The following PEPD variants were observed in gnomAD, a reference collection of about 807,000 sequenced individuals.
The protein encoded by PEPD is xaa-Pro dipeptidase.
In PEPD, 53 loss-of-function variants were observed where a neutral mutation model predicts 60.7. The observed-to-expected ratio is 0.87, with a 90% CI of 0.70 to 1.10. The LOEUF is 1.10. Among genes scored for constraint, PEPD ranks in the 50% least tolerant of loss-of-function variants. The pLI is 0.00. For synonymous variants in PEPD, 267 were observed against 284.1 expected (o/e 0.94, Z 0.60); for missense variants, 711 against 711.9 (o/e 1.00, Z 0.01).
intron 9 of PEPD, among the ~76,000 whole-genome samples, chr19:33,425,482 C>G (rs933550620): frequency 6.6e-6 from 1 of 151,916 alleles, no homozygotes; most frequent in Non-Finnish European, 1.5e-5. Context: ...CGAGCAGGGG[C>G]AAGGGGAGGG....
intron 6 of PEPD, among the ~76,000 whole-genome samples, chr19:33,479,943 T>C (rs775687443): frequency 6.6e-6 from 1 of 152,200 alleles, no homozygotes; most frequent in East Asian, 1.9e-4. Context: ...AGTAACGGGA[T>C]TGCTGGGTTG....
intron 11 of PEPD, among the ~76,000 whole-genome samples, chr19:33,407,181 G>C (rs890677827): frequency 6.6e-6 from 1 of 152,228 alleles, no homozygotes; most frequent in Non-Finnish European, 1.5e-5. Flanking sequence ...GGAAGTGAGG[G>C]AGGCAGGAGG....
At chr19:33,500,123 G>A (rs891892395) in intron 4 of PEPD, among the ~76,000 whole-genome samples, 12 of 152,258 alleles carry the variant, frequency 7.9e-5, no homozygotes, top group Non-Finnish European at 1.6e-4. Context: ...ATGCTGCCAG[G>A]TCCAGGTTGG....
At chr19:33,478,991 C>T (rs571584845) in intron 6 of PEPD, among the ~76,000 whole-genome samples, 6 of 152,056 alleles carry the variant, frequency 3.9e-5, no homozygotes, top group South Asian at 4.2e-4. Flanking sequence ...CTGAATAAAG[C>T]GATAATTGTA....
intron 3 of PEPD, among the ~76,000 whole-genome samples, chr19:33,507,471 C>G (rs1176287311): frequency 6.6e-6 from 1 of 152,212 alleles, no homozygotes; most frequent in Non-Finnish European, 1.5e-5. Context: ...CCCACGGCCC[C>G]TGGCGTCTGC....
chr19:33,480,827 T>C (rs532826026), intron 6 of PEPD, among the ~76,000 whole-genome samples: 1 of 123,620 alleles, frequency 8.1e-6, no homozygotes, highest in African/African-American at 3.3e-5. Flanking sequence ...TGTGTGTGTG[T>C]GTGTGTGTGT....
intron 9 of PEPD, among the ~76,000 whole-genome samples, chr19:33,436,254 G>T (rs1392000376): frequency 6.6e-6 from 1 of 151,960 alleles, no homozygotes; most frequent in Non-Finnish European, 1.5e-5. Flanking sequence ...GGAGAGGCGA[G>T]CAGGAAGAAG....
chr19:33,467,599 A>T (rs1261382543), intron 7 of PEPD, among the ~76,000 whole-genome samples: 2 of 152,186 alleles, frequency 1.3e-5, no homozygotes, highest in Non-Finnish European at 2.9e-5. Flanking sequence ...CAAATGTAGG[A>T]CAAGAAGGCA....
At chr19:33,462,897 G>A (rs113349744) in intron 9 of PEPD, 98 bp downstream of exon 9, 1 of 802,922 alleles carries the variant, frequency 1.2e-6, no homozygotes, top group Non-Finnish European at 2.3e-6. Flanking sequence ...CGCTCACGGT[G>A]TGTGTGCCAC....
rs562294961 is a variant in PEPD at position 33,455,509 on chromosome 19, T to C, written c.671+7486A>G. On this transcript the variant is annotated intron_variant, in intron 9 of 14. Transcript: ENST00000244137. Reference sequence around the variant, plus strand: ...TCAGGTTTTTGGCTTTTTTTTCTCTTTTTTTTTTTAAGAGATGGAGTCTCA... The same window carrying C: ...TCAGGTTTTTGGCTTTTTTTTCTCTCTTTTTTTTTAAGAGATGGAGTCTCA... Among the ~76,000 whole-genome samples, 17 of 148,280 alleles carry C rather than the reference T, an allele frequency of 1.1e-4. 1 individual carries two copies. Among genetic ancestry groups the C allele is most frequent in the African/African-American group, 2.5e-4 (10 of 40,518 alleles).
chr19:33,473,773 C>A (rs965301518), intron 7 of PEPD, among the ~76,000 whole-genome samples: 2 of 152,234 alleles, frequency 1.3e-5, no homozygotes, highest in African/African-American at 2.4e-5. Context: ...GAAGTTTCAA[C>A]TTTTGACCTT....
intron 9 of PEPD, among the ~76,000 whole-genome samples, chr19:33,414,115 G>A (rs751214742): frequency 1.3e-5 from 2 of 152,244 alleles, no homozygotes; most frequent in African/African-American, 4.8e-5. Flanking sequence ...CACCCGGGGA[G>A]AGGGCACAGG....
intron 11 of PEPD, among the ~76,000 whole-genome samples, chr19:33,403,164 A>C (rs1010972190): frequency 6.6e-6 from 1 of 152,186 alleles, no homozygotes; most frequent in African/African-American, 2.4e-5. Flanking sequence ...GCCCCTTTCC[A>C]TCCATCCCAC....
At chr19:33,481,639 T>G (rs1970315311) in intron 6 of PEPD, among the ~76,000 whole-genome samples, 1 of 152,110 alleles carries the variant, frequency 6.6e-6, no homozygotes, top group South Asian at 2.1e-4. Context: ...AATAAAAAAC[T>G]TCTCATAAAG....
rs114248282 is a variant in PEPD at position 33,435,850 on chromosome 19, G to A, written c.672-22207C>T. ...ATGCTCAGGTGAGTCTGAGGCCAGG[G>A]GGTGCCCTCCAGGCTCTCAGCAGGT... is the stretch of plus-strand genomic sequence containing the variant. On this transcript the variant is annotated intron_variant, in intron 9 of 14. Transcript: ENST00000244137. Among the ~76,000 whole-genome samples, 842 of 152,336 alleles carry A rather than the reference G, an allele frequency of 5.5e-3. 6 individuals are homozygous for A. Among genetic ancestry groups the A allele is most frequent in the African/African-American group, 0.019 (790 of 41,574 alleles).
chr19:33,411,186 G>C (rs1176321531), intron 11 of PEPD, among the ~76,000 whole-genome samples: 1 of 152,206 alleles, frequency 6.6e-6, no homozygotes, highest in Non-Finnish European at 1.5e-5. Context: ...CAGCACTGCT[G>C]ACTTGCTGAA....
intron 9 of PEPD, among the ~76,000 whole-genome samples, chr19:33,438,215 G>T (rs1969417623): frequency 6.6e-6 from 1 of 152,168 alleles, no homozygotes; most frequent in African/African-American, 2.4e-5. Context: ...ACAGAGAGAA[G>T]AGAGCCACCT....
chr19:33,514,908 G>A (rs777566787), intron 1 of PEPD, among the ~76,000 whole-genome samples: 1 of 152,074 alleles, frequency 6.6e-6, no homozygotes, highest in Non-Finnish European at 1.5e-5. Context: ...ACAGCTCTGT[G>A]TATCGTCCCC....
At chr19:33,451,069 C>T (rs537888280) in intron 9 of PEPD, among the ~76,000 whole-genome samples, 54 of 152,344 alleles carry the variant, frequency 3.5e-4, no homozygotes, top group African/African-American at 1.3e-3. Flanking sequence ...CCCTGAGCTG[C>T]GGCTCTCAGC....
Sources: gnomAD v4.1 joint callset for allele counts (sites outside exome capture counted in the v4.1 genomes callset) on GRCh38, gnomAD v4.1.1 for gene constraint, MANE v1.5 for transcripts, NCBI Gene and HGNC (gene_info 2026-07-23, HGNC 2026-07-21) for gene names.